AFDN: variants seen among roughly 807,000 people sequenced by gnomAD.
The protein encoded by AFDN is afadin, adherens junction formation factor, also known as afadin.
In AFDN, 68 loss-of-function variants were observed where a neutral mutation model predicts 216.6. The ratio of observed to expected loss-of-function variants is 0.31; its 90% CI spans 0.26 to 0.38. The LOEUF is 0.38. AFDN is among the 10% of genes least tolerant of loss of function. The pLI is 1.00. For missense variants in AFDN, 2,136 were observed against 2,342.0 expected (o/e 0.91, Z 1.82); for synonymous variants, 868 against 853.7 (o/e 1.02, Z -0.29).
chr6:167,937,826 G>A (rs1794194792), intron 23 of AFDN, among the ~76,000 whole-genome samples: 1 of 152,138 alleles, frequency 6.6e-6, no homozygotes, highest in Non-Finnish European at 1.5e-5. Context: ...TATATAATGG[G>A]CATATCGGTT....
chr6:167,840,893 A>G (rs1780996090), intron 1 of AFDN, among the ~76,000 whole-genome samples: 1 of 152,170 alleles, frequency 6.6e-6, no homozygotes, highest in African/African-American at 2.4e-5. Context: ...GAAGTTAAAA[A>G]CATTCGAGAT....
intron 14 of AFDN, 59 bp downstream of exon 14, chr6:167,911,221 T>G (rs1474850029): frequency 6.2e-7 from 1 of 1,601,826 alleles, no homozygotes; most frequent in Non-Finnish European, 8.5e-7. Flanking sequence ...TTACTCCATC[T>G]GATTTTCACA....
In AFDN at chr6:167,898,410, T is replaced by G. The variant is rs1037602491; in HGVS notation, c.1523T>G (p.Leu508Arg). 1 of 1,614,190 alleles carries G rather than the reference T, an allele frequency of 6.2e-7. No individual in the cohort carries two copies. Among genetic ancestry groups the G allele is most frequent in the Admixed American group, 1.7e-5 (1 of 60,030 alleles). ...KFVDPSQDHA[L>R]AKRSVDGGLM... is the part of the protein sequence containing the mutation. The stretch of plus-strand genomic sequence containing the variant: ...GTGGACCCCAGTCAGGATCATGCTC[T>G]TGCAAAAAGATCTGTGGATGGAGGC... The change falls in exon 11 of 34, where the codon CTT (leucine) becomes CGT (arginine). Residue 508 changes from leucine to arginine, a missense_variant. Coordinates refer to ENST00000683244, the MANE Select transcript of AFDN (RefSeq NM_001386888.1).
intron 1 of AFDN, among the ~76,000 whole-genome samples, chr6:167,850,657 TAAAG>T (rs1369953375): frequency 1.3e-5 from 2 of 152,200 alleles, no homozygotes; most frequent in East Asian, 1.9e-4. Flanking sequence ...TTCACATACT[TAAAG>T]AAGAATCTTA....
intron 13 of AFDN, among the ~76,000 whole-genome samples, chr6:167,908,140 G>C (rs1308020552): frequency 6.6e-6 from 1 of 152,228 alleles, no homozygotes; most frequent in Non-Finnish European, 1.5e-5. Flanking sequence ...TTTTGAAGAG[G>C]CCATTGTGTT....
chr6:167,918,700 A>T, intron 20 of AFDN, 35 bp from the exon 21 acceptor site: 4 of 1,605,026 alleles, frequency 2.5e-6, no homozygotes, highest in Non-Finnish European at 2.6e-6. Flanking sequence ...GGCAGTGAGC[A>T]TCTCTTTTTA....
At chr6:167,845,378 C>CTTTTCTTTTCT (rs536034425) in intron 1 of AFDN, among the ~76,000 whole-genome samples, 2 of 151,792 alleles carry the variant, frequency 1.3e-5, no homozygotes, top group East Asian at 3.9e-4. Flanking sequence ...ATGAATATTT[C>CTTTTCTTTTCT]TTTTCTTTTC....
In AFDN at chr6:167,962,346, A is replaced by G. The variant is rs1018766096; in HGVS notation, c.4834-87A>G. 2.6e-6 allele frequency: 4 copies of G among 1,557,430 alleles called. No individual in the cohort carries two copies. The highest frequency in any genetic ancestry group is 1.4e-5 in the African/African-American group (1 of 73,814). ...TTTCTGTGTGTGTGTGTTTGTGTAT[A>G]TGTGTGTCTACTTGTCTTAATGTGT... On this transcript the variant is annotated intron_variant, in intron 30 of 33. Transcript: ENST00000683244. This position sits in a 1 kb window ranked among gnomAD's most constrained non-coding sequence, Gnocchi z 5.2.
At chr6:167,930,643 A>G (rs1793167441) in intron 23 of AFDN, among the ~76,000 whole-genome samples, 1 of 152,094 alleles carries the variant, frequency 6.6e-6, no homozygotes, top group African/African-American at 2.4e-5. Flanking sequence ...CTTTTTCTGT[A>G]AGGGCCCAGA....
At chr6:167,894,395 CAG>C (rs1333394256) in intron 9 of AFDN, among the ~76,000 whole-genome samples, 6 of 152,068 alleles carry the variant, frequency 3.9e-5, no homozygotes, top group Admixed American at 6.5e-5. Context: ...GCACTTTGGG[CAG>C]AAATTGACTA....
chr6:167,922,830 T>C, intron 21 of AFDN, 26 bp from the exon 22 acceptor site: 1 of 1,492,346 alleles, frequency 6.7e-7, no homozygotes, highest in Non-Finnish European at 9.3e-7. Context: ...GCTTTTTCAC[T>C]TACAATTTGC....
In AFDN at chr6:167,962,136, G is replaced by T. The variant is rs1230519637; in HGVS notation, c.4834-297G>T. Among the ~76,000 whole-genome samples the T allele has an allele frequency of 6.6e-6, 1 of 152,204 alleles. No homozygotes were observed. The highest frequency in any genetic ancestry group is 6.5e-5 in the Admixed American group (1 of 15,282). On this transcript the variant is annotated intron_variant, in intron 30 of 33. Coordinates refer to ENST00000683244, the MANE Select transcript of AFDN (RefSeq NM_001386888.1). This position sits in a 1 kb window ranked among gnomAD's most constrained non-coding sequence, Gnocchi z 5.2. Reference sequence around the variant, plus strand: ...GTTAACTAAATTTGTTCCAGTAAAAGAATTGTGCTTGTTGAATGTGTGAAT... The same window carrying T: ...GTTAACTAAATTTGTTCCAGTAAAATAATTGTGCTTGTTGAATGTGTGAAT...
rs146893522 is a variant in AFDN, at chr6:167,851,470, C to T, written c.106-13081C>T. On this transcript the variant is annotated intron_variant, in intron 1 of 33. Coordinates refer to ENST00000683244, the MANE Select transcript of AFDN (RefSeq NM_001386888.1). ...GTGGGTCCCAATGTGTTGTTCGCCT[C>T]TATGCACACCCACCTTTTCAACTAG... Among the ~76,000 whole-genome samples the T allele has an allele frequency of 2.7e-3, 410 of 152,280 alleles. 4 individuals carry two copies. Among genetic ancestry groups the T allele is most frequent in the African/African-American group, 9.1e-3 (378 of 41,550 alleles).
intron 1 of AFDN, among the ~76,000 whole-genome samples, chr6:167,829,471 T>C (rs1396865300): frequency 6.6e-6 from 1 of 152,138 alleles, no homozygotes; most frequent in Non-Finnish European, 1.5e-5. Context: ...CTAATGATTA[T>C]TTTTACTCTA....
At chr6:167,966,341 C>G (rs1265129726) in intron 32 of AFDN, 1 of 1,309,940 alleles carries the variant, frequency 7.6e-7, no homozygotes, top group African/African-American at 1.5e-5. Flanking sequence ...TCTCTGCACA[C>G]TTGCCCTGTA....
chr6:167,827,448 C>T (rs1210777939), intron 1 of AFDN, among the ~76,000 whole-genome samples: 3 of 143,414 alleles, frequency 2.1e-5, no homozygotes, highest in African/African-American at 7.5e-5. Context: ...ATCCCGGGGT[C>T]GCGCGGGCCG....
At position 167,906,899 on chromosome 6, in the gene AFDN, G is replaced by A. The variant is rs142468117; in HGVS notation, c.1651-272G>A. On this transcript the variant is annotated intron_variant, in intron 12 of 33. Transcript: ENST00000683244. ...TACTTTCAGAAAAATCATCATGTGT[G>A]TGTTACCAGCTTTGCCTGCCTGTGT... is the stretch of plus-strand genomic sequence containing the variant. 2.3e-3 allele frequency among the ~76,000 whole-genome samples: 350 copies of A among 152,326 alleles called. 3 individuals are homozygous for A. Among genetic ancestry groups the A allele is most frequent in the African/African-American group, 7.4e-3 (309 of 41,560 alleles).
chr6:167,867,213 A>T (rs529198305), intron 2 of AFDN, among the ~76,000 whole-genome samples: 1 of 152,248 alleles, frequency 6.6e-6, no homozygotes, highest in South Asian at 2.1e-4. Flanking sequence ...TTGCACTCTG[A>T]AGGATTTTCA....
intron 1 of AFDN, among the ~76,000 whole-genome samples, chr6:167,851,983 G>T (rs1419764974): frequency 2.0e-5 from 3 of 152,114 alleles, no homozygotes; most frequent in African/African-American, 7.2e-5. Flanking sequence ...AAACACAAAT[G>T]AAACTCATTC....
Sources: allele counts gnomAD v4.1 joint callset (sites outside exome capture counted in the v4.1 genomes callset), GRCh38; gene constraint gnomAD v4.1.1; non-coding constraint Gnocchi (gnomAD v3.1); transcripts MANE v1.5; gene names NCBI Gene and HGNC (gene_info 2026-07-23, HGNC 2026-07-21).